The following TENM3 variants were observed in gnomAD, a reference collection of about 807,000 sequenced individuals.
The protein encoded by TENM3 is teneurin transmembrane protein 3.
A neutral mutation model predicts 255.1 loss-of-function variants in TENM3; 63 were observed. The observed-to-expected ratio is 0.25, with a 90% CI of 0.20 to 0.30. The LOEUF (loss-of-function observed/expected upper bound fraction) is 0.30, where lower values mean the gene tolerates loss of function less well. Among genes scored for constraint, TENM3 ranks in the 10% least tolerant of loss-of-function variants. The pLI is 1.00. For missense variants in TENM3, 2,929 were observed against 3,461.1 expected, an observed-to-expected ratio of 0.85 and a Z score of 3.86; for synonymous variants, 1,306 against 1,322.3, an observed-to-expected ratio of 0.99 and a Z score of 0.27.
At chr4:182,606,946 A>C (rs1748498416) in intron 4 of TENM3, among the ~76,000 whole-genome samples, 1 of 152,252 alleles carries the variant, frequency 6.6e-6, no homozygotes, top group African/African-American at 2.4e-5. Flanking sequence ...TAGCGTCATG[A>C]GAAAAGCATA....
chr4:181,743,479 T>C, the TENM3 span, among the ~76,000 whole-genome samples: 1 of 152,056 alleles, frequency 6.6e-6, no homozygotes, highest in African/African-American at 2.4e-5. Context: ...CCTGAGAAAG[T>C]GATATTTGAG....
At chr4:182,639,405 G>T (rs997660726) in intron 5 of TENM3, among the ~76,000 whole-genome samples, 1 of 152,166 alleles carries the variant, frequency 6.6e-6, no homozygotes, top group Non-Finnish European at 1.5e-5. Flanking sequence ...CTGGCAAAAT[G>T]TAAGTGCTCA....
At chr4:181,662,138 C>T in the TENM3 span, among the ~76,000 whole-genome samples, 3 of 152,116 alleles carry the variant, frequency 2.0e-5, no homozygotes, top group Non-Finnish European at 4.4e-5. Context: ...TGTTTGTTAG[C>T]TTTAATTTAT....
chr4:182,414,214 T>C (rs1307228108), intron 3 of TENM3, among the ~76,000 whole-genome samples: 3 of 152,234 alleles, frequency 2.0e-5, no homozygotes, highest in Non-Finnish European at 2.9e-5. Flanking sequence ...AGGAAACTCC[T>C]AGTCAAATTT....
the TENM3 span, among the ~76,000 whole-genome samples, chr4:181,767,464 C>T: frequency 6.6e-6 from 1 of 151,864 alleles, no homozygotes; most frequent in Non-Finnish European, 1.5e-5. Flanking sequence ...TGGAATCAAA[C>T]GAGGTCCTGC....
the TENM3 span, among the ~76,000 whole-genome samples, chr4:182,077,240 T>A: frequency 6.6e-6 from 1 of 152,168 alleles, no homozygotes; most frequent in South Asian, 2.1e-4. Flanking sequence ...TGCCACCGAC[T>A]TGTATATTTT....
intron 12 of TENM3, among the ~76,000 whole-genome samples, chr4:182,709,528 T>G (rs2152666706): frequency 6.6e-6 from 1 of 152,332 alleles, no homozygotes; most frequent in African/African-American, 2.4e-5. Flanking sequence ...TTCTAATGGC[T>G]TCTTACAAAA....
At chr4:182,656,499 C>T (rs558606826) in intron 6 of TENM3, among the ~76,000 whole-genome samples, 8 of 152,218 alleles carry the variant, frequency 5.3e-5, no homozygotes, top group African/African-American at 1.4e-4. Context: ...CGCTGCTTTT[C>T]GGCTTTCGTG....
chr4:182,212,820 C>A (rs1442192934), intron 1 of TENM3, among the ~76,000 whole-genome samples: 1 of 152,140 alleles, frequency 6.6e-6, no homozygotes, highest in Non-Finnish European at 1.5e-5. Flanking sequence ...ATCACTGGTC[C>A]CAAATGGATG....
At chr4:182,371,863 C>G (rs1766842444) in intron 3 of TENM3, among the ~76,000 whole-genome samples, 1 of 152,140 alleles carries the variant, frequency 6.6e-6, no homozygotes, top group Non-Finnish European at 1.5e-5. Flanking sequence ...GAAGTCCTGA[C>G]TTAGTAGCTT....
At chr4:182,664,905 A>G (rs1472474886) in intron 6 of TENM3, among the ~76,000 whole-genome samples, 1 of 152,234 alleles carries the variant, frequency 6.6e-6, no homozygotes, top group Non-Finnish European at 1.5e-5. Flanking sequence ...GGTTTGAGGA[A>G]CGAACCCGTC....
At chr4:182,340,851 T>A (rs1455859177) in intron 2 of TENM3, among the ~76,000 whole-genome samples, 1 of 152,200 alleles carries the variant, frequency 6.6e-6, no homozygotes, top group African/African-American at 2.4e-5. Context: ...GAAGAAATAA[T>A]TCCATTCAAG....
rs770709431 is a variant in TENM3 at position 182,714,226 on chromosome 4, T to C, written c.2361T>C (p.Asn787=). 9.4e-6 allele frequency: 15 copies of C among 1,599,986 alleles called. No homozygotes were observed. Among genetic ancestry groups the C allele is most frequent in the Non-Finnish European group, 1.3e-5 (15 of 1,177,478 alleles). The change falls in exon 13 of 28, where the codon AAT becomes AAC. Residue 787 remains asparagine (N), a synonymous_variant. Coordinates refer to ENST00000511685, the MANE Select transcript of TENM3 (RefSeq NM_001080477.4). ...METLCTDSKD[N]EGDGLIDCMD... The stretch of plus-strand genomic sequence containing the variant: ...CTCTTTGCACAGATAGCAAGGACAA[T>C]GAAGGAGGTAAGAAATACTGAGCAT...
chr4:181,979,601 G>C, the TENM3 span, among the ~76,000 whole-genome samples: 1 of 152,138 alleles, frequency 6.6e-6, no homozygotes, highest in Non-Finnish European at 1.5e-5. Flanking sequence ...GCTTGGTGTG[G>C]GTTCAGGAGG....
the TENM3 span, among the ~76,000 whole-genome samples, chr4:182,102,414 T>TTAAG: frequency 2.0e-5 from 3 of 152,176 alleles, no homozygotes; most frequent in African/African-American, 7.2e-5. Flanking sequence ...AATTGATCCA[T>TTAAG]TAAGTGATCA....
At chr4:182,252,228 C>T (rs1013940794) in intron 1 of TENM3, among the ~76,000 whole-genome samples, 21 of 151,946 alleles carry the variant, frequency 1.4e-4, no homozygotes, top group Admixed American at 3.3e-4. Context: ...GAATGTCACA[C>T]GTCCAGACCA....
At chr4:182,387,537 C>T (rs1768045288) in intron 3 of TENM3, among the ~76,000 whole-genome samples, 1 of 152,030 alleles carries the variant, frequency 6.6e-6, no homozygotes, top group Non-Finnish European at 1.5e-5. Flanking sequence ...CGCTTGGGTC[C>T]CCTTCCACAC....
At chr4:181,923,756 A>G in the TENM3 span, among the ~76,000 whole-genome samples, 4 of 152,290 alleles carry the variant, frequency 2.6e-5, no homozygotes, top group Non-Finnish European at 4.4e-5. Context: ...TTGAAGAGCA[A>G]TACAGCGAGG....
At chr4:182,440,069 T>C (rs1281174192) in intron 3 of TENM3, among the ~76,000 whole-genome samples, 4 of 151,128 alleles carry the variant, frequency 2.6e-5, no homozygotes, top group Non-Finnish European at 5.9e-5. Flanking sequence ...ATCTACATTA[T>C]AGAACGAAAC....
Sources: gnomAD v4.1 joint callset for allele counts (sites outside exome capture counted in the v4.1 genomes callset) on GRCh38, gnomAD v4.1.1 for gene constraint, MANE v1.5 for transcripts, NCBI Gene and HGNC (gene_info 2026-07-23, HGNC 2026-07-21) for gene names.